Variants in CCDC73 observed in about 807,000 individuals in gnomAD.
The protein encoded by CCDC73 is coiled-coil domain-containing protein 73.
In CCDC73, 95 loss-of-function variants were observed where a neutral mutation model predicts 116.5. The observed-to-expected ratio is 0.82, with a 90% CI of 0.69 to 0.97. The LOEUF (loss-of-function observed/expected upper bound fraction) is 0.97, where lower values mean the gene tolerates loss of function less well. Among genes scored for constraint, CCDC73 ranks in the 50% least tolerant of loss-of-function variants. The pLI is 0.00. For missense variants in CCDC73, 1,066 were observed against 1,206.8 expected (o/e 0.88, Z 1.73); for synonymous variants, 398 against 401.3 (o/e 0.99, Z 0.10).
At chr11:32,718,320 A>G (rs974152850) in intron 2 of CCDC73, among the ~76,000 whole-genome samples, 173 bp from the exon 3 acceptor site, 3 of 152,208 alleles carry the variant, frequency 2.0e-5, no homozygotes, top group African/African-American at 4.8e-5. Context: ...GAGGTCCCAG[A>G]TCAATCAAGT....
chr11:32,680,157 A>G (rs918754610), intron 7 of CCDC73: 1 of 152,216 alleles, frequency 6.6e-6, no homozygotes, highest in Non-Finnish European at 1.5e-5. Flanking sequence ...GTTTGCCACT[A>G]ATTTCATGAC....
chr11:32,642,015 A>T lies in CCDC73; in HGVS notation c.1007T>A (p.Leu336His). The T allele has an allele frequency of 6.4e-7, 1 of 1,564,314 alleles. No individual in the cohort carries two copies. The highest frequency in any genetic ancestry group is 8.7e-7 in the Non-Finnish European group (1 of 1,153,664). ...TAGTGCTTTTTCATGCTCATTTTGA[A>T]GATTAAGAAACTTTTCTTCATTTTC... ...VKENEEKFLN[L>H]QNEHEKALGT... Residue 336 changes from leucine to histidine, a missense_variant, in exon 13 of 18, where the codon CTT becomes CAT. Coordinates refer to ENST00000335185, the MANE Select transcript of CCDC73 (RefSeq NM_001008391.4).
At chr11:32,830,407 C>G in the CCDC73 span, 10 of 1,035,926 alleles carry the variant, frequency 9.7e-6, no homozygotes, top group African/African-American at 1.7e-4. Flanking sequence ...GCTCTTGCGC[C>G]TAGGCTTTGA....
chr11:32,754,950 C>CG (rs1850319953), intron 2 of CCDC73, among the ~76,000 whole-genome samples: 1 of 141,476 alleles, frequency 7.1e-6, no homozygotes, highest in African/African-American at 2.6e-5. Context: ...TACAATGGCA[C>CG]GATCTTGGCT....
At chr11:32,734,600 C>A (rs970657615) in intron 2 of CCDC73, among the ~76,000 whole-genome samples, 3 of 151,970 alleles carry the variant, frequency 2.0e-5, no homozygotes, top group African/African-American at 7.3e-5. Flanking sequence ...TCCCTGGGTA[C>A]TTGAGATTAG....
chr11:32,742,334 T>TCACCAGA (rs1850195693), intron 2 of CCDC73, among the ~76,000 whole-genome samples: 2 of 152,244 alleles, frequency 1.3e-5, no homozygotes, highest in Non-Finnish European at 2.9e-5. Context: ...TCTGACTTTT[T>TCACCAGA]AATGATCACC....
At chr11:32,652,110 G>A (rs1427148969) in intron 12 of CCDC73, among the ~76,000 whole-genome samples, 9 of 152,136 alleles carry the variant, frequency 5.9e-5, no homozygotes. Context: ...CTGGGCATCA[G>A]TTGATATGTT....
At chr11:32,810,217 T>C in the CCDC73 span, among the ~76,000 whole-genome samples, 11 of 152,222 alleles carry the variant, frequency 7.2e-5, no homozygotes, top group African/African-American at 2.7e-4. Flanking sequence ...GCCCCTTGAA[T>C]GGTAATGGAA....
At chr11:32,702,999 C>G in intron 3 of CCDC73, 55 bp from the exon 4 acceptor site, 3 of 1,136,414 alleles carry the variant, frequency 2.6e-6, no homozygotes, top group Non-Finnish European at 4.0e-6. Context: ...TCTCTTTCAG[C>G]TTTAAATCTT....
the CCDC73 span, among the ~76,000 whole-genome samples, chr11:32,800,237 TA>T: frequency 6.6e-6 from 1 of 152,184 alleles, no homozygotes; most frequent in Non-Finnish European, 1.5e-5. Context: ...GAAGATGTAC[TA>T]CATACACCAT....
intron 6 of CCDC73, among the ~76,000 whole-genome samples, chr11:32,692,505 A>C (rs1214862089): frequency 6.6e-6 from 1 of 152,078 alleles, no homozygotes; most frequent in Non-Finnish European, 1.5e-5. Flanking sequence ...AATTAATATA[A>C]TATATAAAAT....
At chr11:32,637,904 C>T (rs1855696811) in intron 13 of CCDC73, among the ~76,000 whole-genome samples, 1 of 152,212 alleles carries the variant, frequency 6.6e-6, no homozygotes, top group Admixed American at 6.5e-5. Context: ...GTATGCACTT[C>T]AAGCTAGATG....
chr11:32,735,373 A>G lies in CCDC73; in HGVS notation c.136-17226T>C, dbSNP rs556512999. 2.0e-5 allele frequency among the ~76,000 whole-genome samples: 3 copies of G among 152,282 alleles called. No homozygotes were observed. In the South Asian group the frequency reaches 6.2e-4, roughly 32 times the overall value. On this transcript the variant is annotated intron_variant, in intron 2 of 17. Coordinates refer to ENST00000335185, the MANE Select transcript of CCDC73 (RefSeq NM_001008391.4). ...AAATCACAAGCATTCTTATACACCA[A>G]TAACAAACAAAGAGCCGAATCATGA... is the stretch of plus-strand genomic sequence containing the variant.
At chr11:32,751,946 C>T (rs2133368027) in intron 2 of CCDC73, among the ~76,000 whole-genome samples, 1 of 152,350 alleles carries the variant, frequency 6.6e-6, no homozygotes, top group South Asian at 2.1e-4. Context: ...AGGTCTGCTT[C>T]ACATGCTATG....
intron 12 of CCDC73, among the ~76,000 whole-genome samples, chr11:32,643,924 C>T (rs1855754661): frequency 6.6e-6 from 1 of 152,044 alleles, no homozygotes; most frequent in East Asian, 1.9e-4. Flanking sequence ...TTAAAACACA[C>T]AGATTGTACA....
intron 1 of CCDC73, among the ~76,000 whole-genome samples, chr11:32,773,873 T>C (rs1850510818): frequency 6.6e-6 from 1 of 152,092 alleles, no homozygotes; most frequent in Admixed American, 6.6e-5. Context: ...GATTTTTCAT[T>C]AGGGGTTCAC....
rs544925252 is a variant in CCDC73 at position 32,666,659 on chromosome 11, C to T, written c.645+8906G>A. 3.0e-4 allele frequency among the ~76,000 whole-genome samples: 45 copies of T among 152,328 alleles called. 1 individual carries two copies. The highest frequency in any genetic ancestry group is 1.1e-3 in the African/African-American group (44 of 41,580). ...TGTCTGAAGCCTTCTGCTCTCAACC[C>T]GTCAAAGTCATTCTCCATCCAGCTT... is the stretch of plus-strand genomic sequence containing the variant. On this transcript the variant is annotated intron_variant, in intron 9 of 17. Coordinates refer to ENST00000335185, the MANE Select transcript of CCDC73 (RefSeq NM_001008391.4).
chr11:32,702,337 G>A (rs1849820980), intron 4 of CCDC73, among the ~76,000 whole-genome samples: 1 of 152,178 alleles, frequency 6.6e-6, no homozygotes. Flanking sequence ...GAAATGAGCT[G>A]AAGGTATGTA....
chr11:32,690,646 T>C (rs540417956), intron 6 of CCDC73, among the ~76,000 whole-genome samples: 38 of 152,276 alleles, frequency 2.5e-4, no homozygotes, highest in African/African-American at 7.5e-4. Flanking sequence ...AGTCTCTGTC[T>C]CCTGCTCTGC....
Sources: allele counts gnomAD v4.1 joint callset (sites outside exome capture counted in the v4.1 genomes callset), GRCh38; gene constraint gnomAD v4.1.1; transcripts MANE v1.5; gene names NCBI Gene and HGNC (gene_info 2026-07-23, HGNC 2026-07-21).